UNC13C: variants seen among roughly 807,000 people sequenced by gnomAD.
UNC13C encodes the protein protein unc-13 homolog C.
UNC13C carries 174 observed loss-of-function variants against 245.4 expected under a neutral mutation model. The ratio of observed to expected loss-of-function variants is 0.71; its 90% CI spans 0.63 to 0.80. UNC13C has a LOEUF of 0.80. Ranked by LOEUF, UNC13C falls within the 30% of genes least tolerant of loss-of-function variation. The pLI, the probability that UNC13C is intolerant of heterozygous loss-of-function variation, is 0.00. For synonymous variants in UNC13C, 992 were observed against 895.1 expected, an observed-to-expected ratio of 1.11 and a Z score of -1.93; for missense variants, 2,829 against 2,602.9, an observed-to-expected ratio of 1.09 and a Z score of -1.89.
chr15:54,167,434 G>A (rs1330944321), intron 4 of UNC13C, among the ~76,000 whole-genome samples: 1 of 149,334 alleles, frequency 6.7e-6, no homozygotes, highest in East Asian at 2.0e-4. Context: ...CCCGGGAGGC[G>A]GAGCTTGCAG....
intron 30 of UNC13C, among the ~76,000 whole-genome samples, chr15:54,583,946 C>T (rs915437803): frequency 1.3e-5 from 2 of 152,226 alleles, no homozygotes; most frequent in Admixed American, 1.3e-4. Context: ...CAGGACAAAG[C>T]TCCAGGCCCT....
the UNC13C span, among the ~76,000 whole-genome samples, chr15:53,928,764 G>T: frequency 6.6e-6 from 1 of 152,198 alleles, no homozygotes; most frequent in Non-Finnish European, 1.5e-5. Context: ...TGCTTTCACA[G>T]AGTACTGGGA....
chr15:54,403,722 A>C (rs1240870925), intron 18 of UNC13C, among the ~76,000 whole-genome samples: 1 of 150,710 alleles, frequency 6.6e-6, no homozygotes, highest in East Asian at 2.0e-4. Flanking sequence ...TCTCAAAAAA[A>C]AAAAAAAAAA....
chr15:53,948,122 G>T, the UNC13C span: 1 of 152,024 alleles, frequency 6.6e-6, no homozygotes, highest in Admixed American at 6.6e-5. Context: ...TTGATTTAAA[G>T]GTATTTTCCA....
chr15:54,275,131 CAG>C (rs1352135120), intron 10 of UNC13C, among the ~76,000 whole-genome samples: 3 of 152,016 alleles, frequency 2.0e-5, no homozygotes, highest in Admixed American at 2.0e-4. Flanking sequence ...GAATAAAAGG[CAG>C]AGATTGTCAG....
intron 2 of UNC13C, among the ~76,000 whole-genome samples, chr15:54,028,021 A>T (rs928026641): frequency 2.6e-5 from 4 of 152,172 alleles, no homozygotes; most frequent in Non-Finnish European, 2.9e-5. Context: ...GGAGATAGGG[A>T]TAAGTAGACA....
rs59782560 is a variant in UNC13C, at chr15:54,401,281, G to A, written c.4847+8100G>A. Among the ~76,000 whole-genome samples the A allele has an allele frequency of 4.6e-3, 695 of 152,036 alleles. 34 individuals carry two copies. In the East Asian group the frequency reaches 0.1, roughly 22 times the overall value. ...CCTTAATAAATATATGCCAGTCACC[G>A]TGCAAGGCTAGAGTCACAAATATTT... On this transcript the variant is annotated intron_variant, in intron 18 of 32. Coordinates refer to ENST00000260323, the MANE Select transcript of UNC13C (RefSeq NM_001080534.3).
At chr15:54,629,467 T>A (rs189640073), downstream of UNC13C, 112 of 152,260 alleles carry the variant, frequency 7.4e-4, no homozygotes, top group African/African-American at 2.6e-3. Flanking sequence ...ATGTTAAAAT[T>A]CATTCCACAG....
intron 2 of UNC13C, among the ~76,000 whole-genome samples, chr15:54,047,798 T>C (rs1203489722): frequency 6.6e-6 from 1 of 152,128 alleles, no homozygotes; most frequent in Non-Finnish European, 1.5e-5. Context: ...ATTTCACAAT[T>C]TAGAGGTCAA....
the UNC13C span, among the ~76,000 whole-genome samples, chr15:53,896,958 G>A: frequency 1.3e-5 from 2 of 151,992 alleles, no homozygotes; most frequent in African/African-American, 4.8e-5. Flanking sequence ...CTTCTATTTG[G>A]GAAGCCAACA....
intron 2 of UNC13C, among the ~76,000 whole-genome samples, 154 bp from the exon 3 acceptor site, chr15:54,142,864 A>G (rs2032086138): frequency 1.3e-5 from 2 of 152,172 alleles, no homozygotes; most frequent in African/African-American, 4.8e-5. Context: ...AGAACCAACT[A>G]TCCTTGTACC....
rs1423220320 is a variant in UNC13C at position 54,015,621 on chromosome 15, T to A, written c.2718T>A (p.Asp906Glu). ...CAGATGAACAAATGCAAGCATATGA[T>A]CACCTTTCATATGAAACACCTTATG... ...TETDEQMQAY[D>E]HLSYETPYET... Residue 906 changes from aspartate to glutamate, a missense_variant, in exon 2 of 33, where the codon GAT becomes GAA. Asp to Glu is a conservative substitution (Grantham distance 45). Coordinates refer to ENST00000260323, the MANE Select transcript of UNC13C (RefSeq NM_001080534.3). The A allele has an allele frequency of 1.2e-6, 2 of 1,613,646 alleles. No homozygotes were observed. Among genetic ancestry groups the A allele is most frequent in the Admixed American group, 1.7e-5 (1 of 59,980 alleles).
rs1386746152 is a variant in UNC13C at position 54,465,763 on chromosome 15, T to C, written c.4934-28845T>C. ...GGGATACATAATGAGGATTAGACTT[T>C]GGAATTCAGAAACAGAATTACCAGA... On this transcript the variant is annotated intron_variant, in intron 19 of 32. Coordinates refer to ENST00000260323, the MANE Select transcript of UNC13C (RefSeq NM_001080534.3). Among the ~76,000 whole-genome samples the C allele has an allele frequency of 3.9e-5, 6 of 152,026 alleles. No individual in the cohort carries two copies. The East Asian group carries it at 1.2e-3, about 29-fold the overall frequency.
At chr15:54,459,579 T>C (rs1891726824) in intron 19 of UNC13C, among the ~76,000 whole-genome samples, 1 of 152,134 alleles carries the variant, frequency 6.6e-6, no homozygotes, top group East Asian at 1.9e-4. Context: ...TCTTGGAAGT[T>C]TTTTTCATTT....
At chr15:54,134,469 T>G (rs2031624100) in intron 2 of UNC13C, among the ~76,000 whole-genome samples, 1 of 152,206 alleles carries the variant, frequency 6.6e-6, no homozygotes, top group Non-Finnish European at 1.5e-5. Flanking sequence ...TATATACACA[T>G]AACATTGTCT....
At chr15:54,551,490 TG>T (rs1251263479) in intron 28 of UNC13C, among the ~76,000 whole-genome samples, 1 of 152,028 alleles carries the variant, frequency 6.6e-6, no homozygotes. Flanking sequence ...AGATAGAGAC[TG>T]GTTCCCTAGA....
chr15:54,569,203 C>A (rs1370149904), intron 30 of UNC13C, among the ~76,000 whole-genome samples: 2 of 33,940 alleles, frequency 5.9e-5, no homozygotes, highest in Non-Finnish European at 8.9e-5. Flanking sequence ...ATGTGTACAC[C>A]CCCCCCTCCA....
chr15:54,398,047 G>A (rs374575900), intron 18 of UNC13C, among the ~76,000 whole-genome samples: 65 of 151,456 alleles, frequency 4.3e-4, no homozygotes, highest in African/African-American at 1.3e-3. Flanking sequence ...CATAGGGAAA[G>A]CATAGAGATT....
At chr15:54,583,958 A>C (rs2681953) in intron 30 of UNC13C, among the ~76,000 whole-genome samples, 58,262 of 151,884 alleles carry the variant, frequency 0.38, 11,699 homozygotes, top group East Asian at 0.67. Flanking sequence ...CCAGGCCCTA[A>C]CTGTGCTCTC....
Sources: allele counts gnomAD v4.1 joint callset (sites outside exome capture counted in the v4.1 genomes callset), GRCh38; gene constraint gnomAD v4.1.1; transcripts MANE v1.5; gene names NCBI Gene and HGNC (gene_info 2026-07-23, HGNC 2026-07-21).